The following FSIP1 variants were observed in gnomAD, a reference collection of about 807,000 sequenced individuals.
FSIP1 encodes the protein fibrous sheath-interacting protein 1.
FSIP1 carries 65 observed loss-of-function variants against 60.9 expected under a neutral mutation model. The ratio of observed to expected loss-of-function variants is 1.07; its 90% CI spans 0.87 to 1.31. The LOEUF is 1.31. Ranked by LOEUF, FSIP1 falls within the 40% of genes most tolerant of loss-of-function variation. The pLI, the probability that FSIP1 is intolerant of heterozygous loss-of-function variation, is 0.00. For missense variants in FSIP1, 675 were observed against 665.5 expected (o/e 1.01, Z -0.16); for synonymous variants, 209 against 221.2 (o/e 0.94, Z 0.49).
At chr15:39,641,462 ATAAG>A (rs1294183009) in intron 10 of FSIP1, among the ~76,000 whole-genome samples, 1 of 152,226 alleles carries the variant, frequency 6.6e-6, no homozygotes, top group African/African-American at 2.4e-5. Flanking sequence ...AACCAGCTGT[ATAAG>A]TAAGCAAAAA....
intron 1 of FSIP1, among the ~76,000 whole-genome samples, chr15:39,778,515 AG>A (rs1898138261): frequency 2.0e-5 from 3 of 152,250 alleles, no homozygotes; most frequent in Non-Finnish European, 4.4e-5. Context: ...GTATTGGTAA[AG>A]GGTATTAAAA....
chr15:39,712,051 A>G (rs1895538099), intron 10 of FSIP1, among the ~76,000 whole-genome samples: 1 of 152,192 alleles, frequency 6.6e-6, no homozygotes. Flanking sequence ...AAATGGAAAT[A>G]GAGGTCTCCC....
At chr15:39,624,148 A>G (rs1160725268) in intron 10 of FSIP1, among the ~76,000 whole-genome samples, 2 of 152,182 alleles carry the variant, frequency 1.3e-5, no homozygotes, top group African/African-American at 4.8e-5. Flanking sequence ...TCCAAGCCCA[A>G]GGTTTTGGCA....
chr15:39,746,843 C>G (rs1306237853), intron 5 of FSIP1, among the ~76,000 whole-genome samples: 1 of 151,332 alleles, frequency 6.6e-6, no homozygotes, highest in Non-Finnish European at 1.5e-5. Flanking sequence ...GAAGGGGGAA[C>G]TGAGTGAAAT....
At chr15:39,682,749 C>G (rs1198154676) in intron 10 of FSIP1, among the ~76,000 whole-genome samples, 1 of 152,176 alleles carries the variant, frequency 6.6e-6, no homozygotes, top group African/African-American at 2.4e-5. Context: ...TCTTAGAAGA[C>G]TACATATAAC....
At chr15:39,775,195 T>G (rs1385593080) in intron 2 of FSIP1, among the ~76,000 whole-genome samples, 4 of 152,186 alleles carry the variant, frequency 2.6e-5, no homozygotes, top group Non-Finnish European at 2.9e-5. Context: ...TTTTTAATTT[T>G]TTGTAGACTC....
chr15:39,653,621 C>T (rs774297133), intron 10 of FSIP1, among the ~76,000 whole-genome samples: 5 of 152,204 alleles, frequency 3.3e-5, no homozygotes, highest in African/African-American at 7.2e-5. Flanking sequence ...TGGGAGGGAC[C>T]GGGTGGGAGA....
chr15:39,649,557 A>G (rs972422042), intron 10 of FSIP1, among the ~76,000 whole-genome samples: 3 of 152,222 alleles, frequency 2.0e-5, no homozygotes, highest in Non-Finnish European at 4.4e-5. Flanking sequence ...ATAAAAATCA[A>G]TATGTGACCT....
At chr15:39,731,356 C>A (rs1198386541) in intron 8 of FSIP1, among the ~76,000 whole-genome samples, 1 of 152,020 alleles carries the variant, frequency 6.6e-6, no homozygotes, top group African/African-American at 2.4e-5. Context: ...TAATTACTCA[C>A]AAACTCTGGT....
At chr15:39,694,175 T>A (rs1566888363) in intron 10 of FSIP1, among the ~76,000 whole-genome samples, 1 of 152,178 alleles carries the variant, frequency 6.6e-6, no homozygotes, top group Admixed American at 6.5e-5. Flanking sequence ...ATTTATTTTT[T>A]TTTTTTGGCC....
rs71472405 is a variant in FSIP1, at chr15:39,617,752, G to A, written c.1682C>T (p.Pro561Leu). The change falls in exon 11 of 12, where the codon CCA becomes CTA. Residue 561 changes from proline (P) to leucine (L), a missense_variant. By Grantham distance (98) the Pro-to-Leu change is moderately conservative. Coordinates refer to ENST00000350221, the MANE Select transcript of FSIP1 (RefSeq NM_152597.5). ...SEDQHLKLSSPENTIADEQET... is the reference protein window; with the variant it reads ...SEDQHLKLSSLENTIADEQET... ...AGCCTCACCTGCTATTGTATTCTCT[G>A]GAGAACTGAGTTTCAGATGTTGGTC... 1,602 of 1,613,084 alleles carry A rather than the reference G, an allele frequency of 9.9e-4. 2 individuals carry two copies. The highest frequency in any genetic ancestry group is 1.3e-3 in the Non-Finnish European group (1,530 of 1,179,560).
intron 9 of FSIP1, among the ~76,000 whole-genome samples, chr15:39,721,387 C>A (rs560861150): frequency 7.4e-4 from 112 of 152,312 alleles, no homozygotes; most frequent in South Asian, 4.1e-4. Context: ...ATCAAATAAC[C>A]TTTCCTTTCT....
intron 10 of FSIP1, among the ~76,000 whole-genome samples, chr15:39,658,343 G>C (rs1002133161): frequency 6.7e-6 from 1 of 150,364 alleles, no homozygotes; most frequent in Non-Finnish European, 1.5e-5. Flanking sequence ...ACCGCTTCCT[G>C]GGTTCAAGTA....
intron 10 of FSIP1, among the ~76,000 whole-genome samples, chr15:39,636,140 G>A (rs1892129634): frequency 6.6e-6 from 1 of 152,122 alleles, no homozygotes; most frequent in Non-Finnish European, 1.5e-5. Context: ...CAGCTCATTG[G>A]TGCCACAGTC....
rs77142092 is a variant in FSIP1, at chr15:39,766,280, C to G, written c.311-534G>C. On this transcript the variant is annotated intron_variant, in intron 3 of 11. Transcript: ENST00000350221. ...ACTCTATGTAGCTTGTATCTTTTTT[C>G]TATGCTGCTTCTTTTGTTCTAATTT... is the stretch of plus-strand genomic sequence containing the variant. Among the ~76,000 whole-genome samples the G allele has an allele frequency of 1.8e-4, 27 of 152,268 alleles. No homozygotes were observed. The East Asian group carries it at 5.2e-3, about 29-fold the overall frequency.
chr15:39,687,543 C>T (rs187451725), intron 10 of FSIP1, among the ~76,000 whole-genome samples: 3 of 152,278 alleles, frequency 2.0e-5, no homozygotes, highest in African/African-American at 7.2e-5. Flanking sequence ...CAGAGTTGGT[C>T]CCTACCTCCC....
rs1044013667 is a variant in FSIP1, at chr15:39,738,207, G to C, written c.781-6C>G. ...TTTCTTGATTCCTTGGCCAACTACAGAATTTATTAATGGAAAATATCATAT... is the reference window on the plus strand; with the variant it reads ...TTTCTTGATTCCTTGGCCAACTACACAATTTATTAATGGAAAATATCATAT... On this transcript the variant is annotated splice_polypyrimidine_tract_variant and splice_region_variant and intron_variant, in intron 7 of 11. Coordinates refer to ENST00000350221, the MANE Select transcript of FSIP1 (RefSeq NM_152597.5). 4 of 1,565,814 alleles carry C rather than the reference G, an allele frequency of 2.6e-6. No homozygotes were observed. Among genetic ancestry groups the C allele is most frequent in the Non-Finnish European group, 3.5e-6 (4 of 1,144,792 alleles).
chr15:39,691,225 T>A (rs1380084103), intron 10 of FSIP1, among the ~76,000 whole-genome samples: 2 of 152,184 alleles, frequency 1.3e-5, no homozygotes, highest in Non-Finnish European at 2.9e-5. Context: ...AAAGAGCAAG[T>A]GCCTGGACAT....
intron 1 of FSIP1, among the ~76,000 whole-genome samples, chr15:39,778,177 C>A (rs1898125566): frequency 1.3e-5 from 2 of 152,286 alleles, no homozygotes; most frequent in African/African-American, 4.8e-5. Flanking sequence ...CACATCAAAA[C>A]CAAAAAGCAT....
Sources: allele counts gnomAD v4.1 joint callset (sites outside exome capture counted in the v4.1 genomes callset), GRCh38; gene constraint gnomAD v4.1.1; transcripts MANE v1.5; gene names NCBI Gene and HGNC (gene_info 2026-07-23, HGNC 2026-07-21).